The following KALRN variants were observed in gnomAD, a reference collection of about 807,000 sequenced individuals.
The protein encoded by KALRN is kalirin.
KALRN carries 70 observed loss-of-function variants against 353.7 expected under a neutral mutation model. The observed-to-expected ratio is 0.20, with a 90% confidence interval of 0.16 to 0.24. KALRN has a LOEUF of 0.24. Among genes scored for constraint, KALRN ranks in the 10% least tolerant of loss-of-function variants. KALRN has a pLI of 1.00. For missense variants in KALRN, 2,791 were observed against 3,756.7 expected, an observed-to-expected ratio of 0.74 and a Z score of 6.72; for synonymous variants, 1,391 against 1,434.8, an observed-to-expected ratio of 0.97 and a Z score of 0.69.
At chr3:124,394,204 A>G (rs898980085) in intron 11 of KALRN, among the ~76,000 whole-genome samples, 1 of 152,192 alleles carries the variant, frequency 6.6e-6, no homozygotes, top group East Asian at 1.9e-4. Flanking sequence ...GACTCCATCT[A>G]TCAATTTTCT....
At chr3:124,248,438 C>A (rs189048409) in intron 3 of KALRN, among the ~76,000 whole-genome samples, 2 of 152,306 alleles carry the variant, frequency 1.3e-5, no homozygotes, top group Admixed American at 1.3e-4. Flanking sequence ...AGCCTTCTGC[C>A]AGGGGACGGA....
intron 33 of KALRN, among the ~76,000 whole-genome samples, chr3:124,521,772 G>A (rs527243464): frequency 1.2e-3 from 180 of 152,242 alleles, no homozygotes; most frequent in African/African-American, 1.4e-3. Context: ...ATGCTGTAGC[G>A]ACACTGACTA....
intron 55 of KALRN, among the ~76,000 whole-genome samples, chr3:124,698,852 G>A (rs991867751): frequency 2.0e-5 from 3 of 152,160 alleles, no homozygotes; most frequent in Non-Finnish European, 2.9e-5. Context: ...TTCTTCAGCA[G>A]TTAGAAACAA....
intron 21 of KALRN, among the ~76,000 whole-genome samples, chr3:124,447,865 T>C (rs1306304685): frequency 6.6e-6 from 1 of 152,218 alleles, no homozygotes; most frequent in African/African-American, 2.4e-5. Flanking sequence ...TTTGGGCCTT[T>C]TTGTCTAATG....
intron 34 of KALRN, among the ~76,000 whole-genome samples, chr3:124,603,274 C>A (rs1329580375): frequency 6.6e-6 from 1 of 152,192 alleles, no homozygotes; most frequent in Non-Finnish European, 1.5e-5. Flanking sequence ...ATTGACTCTC[C>A]GGAGGAGGCT....
chr3:124,126,455 A>C (rs1229602061), intron 1 of KALRN, among the ~76,000 whole-genome samples: 2 of 152,128 alleles, frequency 1.3e-5, no homozygotes, highest in Admixed American at 6.6e-5. Flanking sequence ...CTGCATCTTG[A>C]GAGGTGGAAA....
intron 34 of KALRN, among the ~76,000 whole-genome samples, chr3:124,576,577 G>A (rs538588233): frequency 6.6e-6 from 1 of 152,272 alleles, no homozygotes; most frequent in South Asian, 2.1e-4. Flanking sequence ...TATTTGGACT[G>A]GTTGAAGGAT....
chr3:124,047,947 A>C (rs1289556013), intron 1 of KALRN, among the ~76,000 whole-genome samples: 2 of 152,156 alleles, frequency 1.3e-5, no homozygotes, highest in Non-Finnish European at 2.9e-5. Flanking sequence ...CCGTTTGCTG[A>C]TATGAGGTAT....
chr3:124,409,552 C>T (rs1414666373), intron 13 of KALRN, among the ~76,000 whole-genome samples: 1 of 152,112 alleles, frequency 6.6e-6, no homozygotes, highest in African/African-American at 2.4e-5. Context: ...GGCTATTAGG[C>T]TAGTGAAGAA....
In KALRN at chr3:124,264,493, C is replaced by A. The variant is rs911868892; in HGVS notation, c.264-5C>A. The A allele has an allele frequency of 3.1e-6, 5 of 1,612,998 alleles. No individual in the cohort carries two copies. The African/African-American group carries it at 6.7e-5, about 22-fold the overall frequency. On this transcript the variant is annotated splice_region_variant and splice_polypyrimidine_tract_variant and intron_variant, in intron 3 of 59. Coordinates refer to ENST00000682506, the MANE Select transcript of KALRN (RefSeq NM_001388419.1). Reference sequence around the variant, plus strand: ...TGACCATACCGACCTCTGACCTCCCCACAGTGAGGACGTGTGCAAACGTGG... The same window carrying A: ...TGACCATACCGACCTCTGACCTCCCAACAGTGAGGACGTGTGCAAACGTGG...
chr3:124,524,153 T>C (rs1431906178), intron 33 of KALRN, among the ~76,000 whole-genome samples: 1 of 152,232 alleles, frequency 6.6e-6, no homozygotes, highest in Non-Finnish European at 1.5e-5. Context: ...GTCTTCTCTA[T>C]GTGGGTTACA....
chr3:124,380,956 A>T (rs1176663464), intron 10 of KALRN, among the ~76,000 whole-genome samples: 1 of 152,186 alleles, frequency 6.6e-6, no homozygotes, highest in African/African-American at 2.4e-5. Flanking sequence ...TCATTCATTC[A>T]TTTACTAAAT....
chr3:124,441,166 G>T (rs2093654360), intron 18 of KALRN, among the ~76,000 whole-genome samples: 1 of 152,200 alleles, frequency 6.6e-6, no homozygotes, highest in Non-Finnish European at 1.5e-5. Flanking sequence ...GGAATGTAGG[G>T]TTAATAGATG....
chr3:124,537,964 A>G (rs578249054), intron 33 of KALRN, among the ~76,000 whole-genome samples: 1 of 152,252 alleles, frequency 6.6e-6, no homozygotes, highest in African/African-American at 2.4e-5. Flanking sequence ...GAAGAGGATA[A>G]TATGGTAAGG....
intron 11 of KALRN, among the ~76,000 whole-genome samples, chr3:124,393,138 G>A (rs998057622): frequency 2.6e-5 from 4 of 152,086 alleles, no homozygotes; most frequent in Non-Finnish European, 5.9e-5. Flanking sequence ...GCTAATTTTT[G>A]TATTTTTAGT....
intron 49 of KALRN, among the ~76,000 whole-genome samples, chr3:124,675,855 T>G (rs11710722): frequency 0.026 from 4,019 of 152,258 alleles, 69 homozygotes; most frequent in East Asian, 0.077. Flanking sequence ...ATGAGCTATC[T>G]GAGCAGTGGC....
intron 1 of KALRN, among the ~76,000 whole-genome samples, chr3:124,121,093 C>CAAAAAAAAAAAAAA (rs35883031): frequency 1.1e-4 from 8 of 75,048 alleles, no homozygotes; most frequent in East Asian, 4.7e-4. Flanking sequence ...GACTCCATCT[C>CAAAAAAAAAAAAAA]AAAAAAAAAA....
At chr3:124,224,562 G>A (rs769698258) in intron 1 of KALRN, among the ~76,000 whole-genome samples, 6 of 152,128 alleles carry the variant, frequency 3.9e-5, no homozygotes, top group Non-Finnish European at 8.8e-5. Flanking sequence ...GGCAATGGAA[G>A]CTTGCCTTCT....
chr3:124,398,686 CT>C lies in KALRN; in HGVS notation c.2172-10del, dbSNP rs753695796. The C allele has an allele frequency of 3.3e-5, 54 of 1,613,730 alleles. No homozygotes were observed. The highest frequency in any genetic ancestry group is 1.3e-4 in the Admixed American group (8 of 59,940). Reference sequence around the variant, plus strand: ...CCTCTCCCTCCCTTTTTTCTCCCCACTCTGCCACAGGGACTCGGCTGTGTCC... The same window carrying C: ...CCTCTCCCTCCCTTTTTTCTCCCCACCTGCCACAGGGACTCGGCTGTGTCC... On this transcript the variant is annotated splice_polypyrimidine_tract_variant and intron_variant, in intron 12 of 59. Coordinates refer to ENST00000682506, the MANE Select transcript of KALRN (RefSeq NM_001388419.1).
Sources: allele counts gnomAD v4.1 joint callset (sites outside exome capture counted in the v4.1 genomes callset), GRCh38; gene constraint gnomAD v4.1.1; transcripts MANE v1.5; gene names NCBI Gene and HGNC (gene_info 2026-07-23, HGNC 2026-07-21).